SP1: variants seen among roughly 807,000 people sequenced by gnomAD.
SP1 encodes Sp1 transcription factor.
A neutral mutation model predicts 66.3 loss-of-function variants in SP1; 6 were observed. That is an observed-to-expected ratio of 0.09 (90% CI 0.05 to 0.18). The LOEUF is 0.18. Ranked by LOEUF, SP1 falls within the 10% of genes least tolerant of loss-of-function variation. The pLI, the probability that SP1 is intolerant of heterozygous loss-of-function variation, is 1.00. For missense variants in SP1, 848 were observed against 964.5 expected, an observed-to-expected ratio of 0.88 and a Z score of 1.60; for synonymous variants, 417 against 360.8, an observed-to-expected ratio of 1.16 and a Z score of -1.77.
rs766907404 is a variant in SP1, at chr12:53,411,249, A to T, written c.*9A>T. 2 of 1,602,978 alleles carry T rather than the reference A, an allele frequency of 1.2e-6. No individual in the cohort carries two copies. Among genetic ancestry groups the T allele is most frequent in the Non-Finnish European group, 1.7e-6 (2 of 1,173,914 alleles). On this transcript the variant is annotated 3_prime_UTR_variant, in exon 6 of 6. Transcript: ENST00000327443. ...GTGGCAATGGCTTCTGAGATCAGGCACCCGGGGCCAGAGACATATGGGCCA... is the reference window on the plus strand; with the variant it reads ...GTGGCAATGGCTTCTGAGATCAGGCTCCCGGGGCCAGAGACATATGGGCCA...
At chr12:53,402,240 T>TA (rs1257189859) in intron 3 of SP1, among the ~76,000 whole-genome samples, 1 of 144,044 alleles carries the variant, frequency 6.9e-6, no homozygotes, top group Non-Finnish European at 1.5e-5. Context: ...TTTTTTTTTT[T>TA]AAGACGGAGT....
At chr12:53,395,113 G>A (rs1052606677) in intron 3 of SP1, among the ~76,000 whole-genome samples, 2 of 152,032 alleles carry the variant, frequency 1.3e-5, no homozygotes, top group Non-Finnish European at 2.9e-5. Context: ...GGCTAAGGTG[G>A]GCGGATCACT....
chr12:53,380,873 A>T (rs961881899), intron 1 of SP1, among the ~76,000 whole-genome samples: 2 of 151,166 alleles, frequency 1.3e-5, no homozygotes, highest in South Asian at 4.2e-4. Flanking sequence ...CAGTATTCAC[A>T]AATGTTTTTC....
intron 3 of SP1, among the ~76,000 whole-genome samples, chr12:53,395,468 C>T (rs899833690): frequency 1.3e-5 from 2 of 152,140 alleles, no homozygotes; most frequent in African/African-American, 2.4e-5. Flanking sequence ...TTCAGTTATA[C>T]TTATGATTTA....
In SP1 at chr12:53,415,138, GA is replaced by G. The variant is rs1217634809; in HGVS notation, c.*3902del. The stretch of plus-strand genomic sequence containing the variant: ...AAGATATGGCACTTCTCCAACCCCG[GA>G]AAACATTGCTTTTGAAAACTGCTGA... On this transcript the variant is annotated 3_prime_UTR_variant, in exon 6 of 6. Coordinates refer to ENST00000327443, the MANE Select transcript of SP1 (RefSeq NM_138473.3). 1 of 152,518 alleles carries G rather than the reference GA, an allele frequency of 6.6e-6. No individual in the cohort carries two copies. The highest frequency in any genetic ancestry group is 6.6e-5 in the Admixed American group (1 of 15,244). The allele number at this position is 152,518 out of a possible 1,614,324, so 9.4% of individuals were successfully genotyped here.
At chr12:53,382,061 T>A in intron 2 of SP1, 49 bp from the exon 3 acceptor site, 1 of 1,565,178 alleles carries the variant, frequency 6.4e-7, no homozygotes, top group Non-Finnish European at 8.8e-7. Context: ...CCCCCTAGGC[T>A]GGCAGCTGGG....
At chr12:53,401,670 T>C (rs1028367274) in intron 3 of SP1, among the ~76,000 whole-genome samples, 1 of 152,112 alleles carries the variant, frequency 6.6e-6, no homozygotes, top group African/African-American at 2.4e-5. Flanking sequence ...TATTTCATGA[T>C]TACTTACTAT....
At chr12:53,403,614 C>T (rs1938661450) in intron 3 of SP1, among the ~76,000 whole-genome samples, 1 of 151,872 alleles carries the variant, frequency 6.6e-6, no homozygotes, top group East Asian at 1.9e-4. Flanking sequence ...CTTGGCCTCC[C>T]AAGGTGCTGG....
rs760847838 is a variant in SP1 at position 53,411,000 on chromosome 12, G to A, written c.2118G>A (p.Lys706=). The A allele has an allele frequency of 6.2e-7, 1 of 1,614,142 alleles. No individual in the cohort carries two copies. The highest frequency in any genetic ancestry group is 1.1e-5 in the South Asian group (1 of 91,078). The part of the protein sequence containing the change: ...MRSDHLSKHI[K]THQNKKGGPG... ...GTGACCACCTGTCAAAACATATCAAGACCCACCAGAATAAGAAGGGAGGCC... is the reference window on the plus strand; with the variant it reads ...GTGACCACCTGTCAAAACATATCAAAACCCACCAGAATAAGAAGGGAGGCC... The change falls in exon 6 of 6, where the codon AAG becomes AAA. Residue 706 remains lysine (K), a synonymous_variant. Transcript: ENST00000327443.
chr12:53,407,318 G>GA lies in SP1; in HGVS notation c.1844+578dup, dbSNP rs754868373. ...TTTACTGGCCATAAAAAGAGAAAAT[G>GA]AAAAAAAAAAAAATTTTTTTTTTTT... On this transcript the variant is annotated intron_variant, in intron 4 of 5. Coordinates refer to ENST00000327443, the MANE Select transcript of SP1 (RefSeq NM_138473.3). Among the ~76,000 whole-genome samples the GA allele has an allele frequency of 6.7e-3, 954 of 143,246 alleles. 5 individuals carry two copies. The highest frequency in any genetic ancestry group is 8.0e-3 in the Non-Finnish European group (520 of 65,310). 94.0% of individuals were successfully genotyped at this position (143,246 alleles called of 152,430 possible). A position where few individuals can be genotyped will look rare whatever the true frequency, so the allele number is the denominator to read the frequency against.
chr12:53,392,600 G>A (rs1213157602), intron 3 of SP1, among the ~76,000 whole-genome samples: 3 of 150,600 alleles, frequency 2.0e-5, no homozygotes, highest in South Asian at 4.2e-4. Flanking sequence ...CTCGTGATCC[G>A]CCCGCCTCGG....
At chr12:53,385,780 G>A (rs183366266) in intron 3 of SP1, among the ~76,000 whole-genome samples, 2 of 151,694 alleles carry the variant, frequency 1.3e-5, no homozygotes, top group East Asian at 1.9e-4. Flanking sequence ...GGGCGTGGTG[G>A]TACAAGCCTG....
chr12:53,381,963 G>A, intron 2 of SP1, 147 bp from the exon 3 acceptor site: 1 of 1,148,896 alleles, frequency 8.7e-7, no homozygotes, highest in South Asian at 1.5e-5. Context: ...AAAGACAAAG[G>A]AGTTTCAGCA....
intron 3 of SP1, among the ~76,000 whole-genome samples, chr12:53,392,523 AT>A (rs901058995): frequency 2.7e-5 from 4 of 150,558 alleles, no homozygotes; most frequent in African/African-American, 9.7e-5. Context: ...CGCCCGGCTA[AT>A]TTTTTTGTAT....
intron 3 of SP1, among the ~76,000 whole-genome samples, chr12:53,384,070 C>T (rs1317432667): frequency 6.8e-6 from 1 of 146,052 alleles, no homozygotes; most frequent in Non-Finnish European, 1.5e-5. Flanking sequence ...CCCAGGTTCA[C>T]GCCATTCTCC....
chr12:53,382,348 G>A lies in SP1; in HGVS notation c.401G>A (p.Ser134Asn), dbSNP rs750438229. 6.2e-7 allele frequency: 1 copy of A among 1,614,248 alleles called. No individual in the cohort carries two copies. The highest frequency in any genetic ancestry group is 8.5e-7 in the Non-Finnish European group (1 of 1,180,038). Reference protein sequence around the residue: ...SGSSTNGSNGSESSKNRTVSG... With the variant: ...SGSSTNGSNGNESSKNRTVSG... The stretch of plus-strand genomic sequence containing the variant: ...AGCAGTACCAATGGCAGCAATGGCA[G>A]TGAGTCTTCCAAGAATCGCACAGTC... The change falls in exon 3 of 6, where the codon AGT (serine) becomes AAT (asparagine). Residue 134 changes from serine (S) to asparagine (N), a missense_variant. Coordinates refer to ENST00000327443, the MANE Select transcript of SP1 (RefSeq NM_138473.3).
At chr12:53,395,550 A>G (rs898803278) in intron 3 of SP1, among the ~76,000 whole-genome samples, 3 of 152,190 alleles carry the variant, frequency 2.0e-5, no homozygotes, top group Non-Finnish European at 4.4e-5. Flanking sequence ...CAAGAATGAG[A>G]AAAGTATAAA....
intron 5 of SP1, 51 bp downstream of exon 5, chr12:53,409,612 A>G: frequency 1.4e-6 from 2 of 1,417,012 alleles, no homozygotes; most frequent in East Asian, 2.3e-5. Flanking sequence ...AGAATGAAAA[A>G]CACAAAATAT....
intron 5 of SP1, 77 bp downstream of exon 5, chr12:53,409,638 A>G: frequency 8.4e-7 from 1 of 1,190,494 alleles, no homozygotes; most frequent in Non-Finnish European, 1.2e-6. Context: ...CAAAATAACT[A>G]AAATTTCTGA....
Sources: gnomAD v4.1 joint callset for allele counts (sites outside exome capture counted in the v4.1 genomes callset) on GRCh38, gnomAD v4.1.1 for gene constraint, MANE v1.5 for transcripts, NCBI Gene and HGNC (gene_info 2026-07-23, HGNC 2026-07-21) for gene names.